DPP6: variants seen among roughly 807,000 people sequenced by gnomAD.
The protein encoded by DPP6 is dipeptidyl peptidase like 6, also known as A-type potassium channel modulatory protein DPP6.
Under a neutral mutation model 122.6 loss-of-function variants are expected in DPP6, and 69 were observed. The observed-to-expected ratio is 0.56, with a 90% confidence interval of 0.46 to 0.69. The LOEUF is 0.69. Among genes scored for constraint, DPP6 ranks in the 30% least tolerant of loss-of-function variants. The pLI, the probability that DPP6 is intolerant of heterozygous loss-of-function variation, is 0.00. For synonymous variants in DPP6, 418 were observed against 433.1 expected (o/e 0.97, Z 0.43); for missense variants, 928 against 1,116.9 (o/e 0.83, Z 2.41).
intron 1 of DPP6, among the ~76,000 whole-genome samples, chr7:153,952,811 A>G (rs1419279405): frequency 1.3e-5 from 2 of 152,234 alleles, no homozygotes; most frequent in Non-Finnish European, 2.9e-5. Context: ...AGTTATAGCA[A>G]TTTATAGCAA....
rs190387491 is a variant in DPP6 at position 154,883,162 on chromosome 7, C to T, written c.2133+2220C>T. Reference sequence around the variant, plus strand: ...ATGCTCACCCATACACATGCTCACACATTCACACACATACACAAATGCTCA... The same window carrying T: ...ATGCTCACCCATACACATGCTCACATATTCACACACATACACAAATGCTCA... On this transcript the variant is annotated intron_variant, in intron 21 of 25. Transcript: ENST00000377770. 1.6e-3 allele frequency among the ~76,000 whole-genome samples: 236 copies of T among 146,670 alleles called. 1 individual carries two copies. The highest frequency in any genetic ancestry group is 7.0e-3 in the Middle Eastern group (2 of 284).
intron 1 of DPP6, among the ~76,000 whole-genome samples, chr7:153,924,492 C>T (rs1800797553): frequency 6.6e-6 from 1 of 152,104 alleles, no homozygotes; most frequent in Non-Finnish European, 1.5e-5. Context: ...GTTATTAAAC[C>T]ATCGCTCCCT....
intron 1 of DPP6, among the ~76,000 whole-genome samples, chr7:153,943,550 C>T (rs549239889): frequency 2.8e-4 from 43 of 152,138 alleles, no homozygotes; most frequent in African/African-American, 6.5e-4. Flanking sequence ...TCCTTTGACA[C>T]GCTCTGGCTT....
At position 154,728,003 on chromosome 7, in the gene DPP6, T is replaced by A. The variant is rs889157759; in HGVS notation, c.883+116T>A. On this transcript the variant is annotated intron_variant, in intron 8 of 25. Transcript: ENST00000377770. ...TAACTGTAAATTAAACTCCAGTTTC[T>A]TGAGGTTCTGCAAAATTTAAAAGAT... 12 of 1,471,906 alleles carry A rather than the reference T, an allele frequency of 8.2e-6. No individual in the cohort carries two copies. The Admixed American group carries it at 1.5e-4, about 18-fold the overall frequency. 91.2% of individuals were successfully genotyped at this position (1,471,906 alleles called of 1,614,324 possible). A position where few individuals can be genotyped will look rare whatever the true frequency, so the allele number is the denominator to read the frequency against.
At chr7:153,935,462 G>T (rs1270229320) in intron 1 of DPP6, among the ~76,000 whole-genome samples, 3 of 152,142 alleles carry the variant, frequency 2.0e-5, no homozygotes, top group Non-Finnish European at 4.4e-5. Context: ...TCCCTAACCT[G>T]CCGCACAGAG....
At chr7:154,037,221 T>C (rs1025331940) in intron 1 of DPP6, among the ~76,000 whole-genome samples, 4 of 152,168 alleles carry the variant, frequency 2.6e-5, no homozygotes, top group Non-Finnish European at 4.4e-5. Flanking sequence ...AGAGCCAGCT[T>C]TGACCCTGCG....
intron 1 of DPP6, among the ~76,000 whole-genome samples, chr7:154,061,707 G>A (rs1186006779): frequency 1.2e-5 from 1 of 86,906 alleles, no homozygotes; most frequent in African/African-American, 4.2e-5. Context: ...AGGGGGGGAG[G>A]CAATCCCCGC....
chr7:154,533,590 C>A (rs936290422), intron 3 of DPP6, among the ~76,000 whole-genome samples: 1 of 151,970 alleles, frequency 6.6e-6, no homozygotes. Context: ...TTTTATGAAG[C>A]AGAAATACTC....
chr7:154,566,932 T>C lies in DPP6; in HGVS notation c.627+16T>C, dbSNP rs746188406. 19 of 1,561,730 alleles carry C rather than the reference T, an allele frequency of 1.2e-5. No homozygotes were observed. Among genetic ancestry groups the C allele is most frequent in the Admixed American group, 5.1e-5 (3 of 59,388 alleles). ...TGTGGAACCCGTGAGTATTATCCTT[T>C]ACTGCCTACAAAATAATTGTTTCTT... On this transcript the variant is annotated intron_variant, in intron 5 of 25. Coordinates refer to ENST00000377770, the MANE Select transcript of DPP6 (RefSeq NM_130797.4).
intron 1 of DPP6, among the ~76,000 whole-genome samples, chr7:154,107,525 TGTAAA>T (rs1428453405): frequency 6.6e-6 from 1 of 152,200 alleles, no homozygotes; most frequent in Non-Finnish European, 1.5e-5. Context: ...TATTTAATAA[TGTAAA>T]GTATGTTTCA....
Position 154,853,792 on chromosome 7 carries a change from C to T in DPP6, c.1679C>T (p.Pro560Leu). ...FLLKCEGPGV[P>L]MVTVHNTTDK... ...CTACCCAACACAGGTCCTGGTGTTCCTATGGTGACGGTGCACAACACAACA... is the reference window on the plus strand; with the variant it reads ...CTACCCAACACAGGTCCTGGTGTTCTTATGGTGACGGTGCACAACACAACA... Residue 560 changes from proline to leucine, a missense_variant, in exon 17 of 26, where the codon CCT becomes CTT. Coordinates refer to ENST00000377770, the MANE Select transcript of DPP6 (RefSeq NM_130797.4). 1.9e-6 allele frequency: 3 copies of T among 1,613,812 alleles called. No homozygotes were observed. The highest frequency in any genetic ancestry group is 2.5e-6 in the Non-Finnish European group (3 of 1,179,790).
intron 6 of DPP6, 119 bp downstream of exon 6, chr7:154,637,992 G>C: frequency 8.7e-7 from 1 of 1,149,784 alleles, no homozygotes; most frequent in Non-Finnish European, 1.2e-6. Context: ...TCACAGCCAA[G>C]GGTGCTGGTA....
Position 154,267,904 on chromosome 7 carries a change from G to A in DPP6, c.244-178310G>A, listed in dbSNP as rs545638346. Among the ~76,000 whole-genome samples, 538 of 142,094 alleles carry A rather than the reference G, an allele frequency of 3.8e-3. 2 individuals are homozygous for A. Among genetic ancestry groups the A allele is most frequent in the Non-Finnish European group, 4.8e-3 (311 of 65,264 alleles). The allele number at this position is 142,094 out of a possible 152,430, so 93.2% of individuals were successfully genotyped here. On this transcript the variant is annotated intron_variant, in intron 1 of 25. Coordinates refer to ENST00000377770, the MANE Select transcript of DPP6 (RefSeq NM_130797.4). ...ATCCCTTATAAACACATATACACAC[G>A]TATATGCACACATACATATTTATGT... is the stretch of plus-strand genomic sequence containing the variant.
chr7:153,959,928 ATT>A (rs11325507), intron 1 of DPP6, among the ~76,000 whole-genome samples: 20 of 151,646 alleles, frequency 1.3e-4, no homozygotes, highest in East Asian at 1.9e-4. Context: ...ATCATTTCTA[ATT>A]TTTTTTTTTA....
rs117383498 is a variant in DPP6, at chr7:154,389,849, G to A, written c.244-56365G>A. Among the ~76,000 whole-genome samples the A allele has an allele frequency of 3.1e-3, 471 of 152,336 alleles. 3 individuals carry two copies. Among genetic ancestry groups the A allele is most frequent in the Non-Finnish European group, 4.5e-3 (307 of 68,036 alleles). ...ATTAAATACCTAAGCTTTGAAGTTG[G>A]ATGGGTGATTATTACAAAAGCCAGA... On this transcript the variant is annotated intron_variant, in intron 1 of 25. Transcript: ENST00000377770.
chr7:153,771,225 G>C, the DPP6 span, among the ~76,000 whole-genome samples: 3 of 152,058 alleles, frequency 2.0e-5, no homozygotes, highest in Non-Finnish European at 4.4e-5. Context: ...ATATGAGAAG[G>C]TCCCAAAGGC....
At chr7:153,838,928 G>A in the DPP6 span, among the ~76,000 whole-genome samples, 16 of 152,172 alleles carry the variant, frequency 1.1e-4, no homozygotes, top group Non-Finnish European at 2.2e-4. Context: ...ATGATATTCA[G>A]TACCCAACAC....
At chr7:154,168,893 T>G (rs1245058178) in intron 1 of DPP6, among the ~76,000 whole-genome samples, 1 of 152,196 alleles carries the variant, frequency 6.6e-6, no homozygotes, top group Non-Finnish European at 1.5e-5. Flanking sequence ...CATTTTTAGA[T>G]AAGAGAATTA....
intron 1 of DPP6, among the ~76,000 whole-genome samples, chr7:154,267,723 A>T (rs1472099801): frequency 8.2e-6 from 1 of 122,572 alleles, no homozygotes; most frequent in Non-Finnish European, 1.7e-5. Flanking sequence ...ATGCACACAT[A>T]CATATATATG....
Sources: gnomAD v4.1 joint callset for allele counts (sites outside exome capture counted in the v4.1 genomes callset) on GRCh38, gnomAD v4.1.1 for gene constraint, MANE v1.5 for transcripts, NCBI Gene and HGNC (gene_info 2026-07-23, HGNC 2026-07-21) for gene names.